Variants in GOT1L1 observed in about 807,000 individuals in gnomAD.
GOT1L1 encodes aspartate aminotransferase, cytoplasmic 2.
Under a neutral mutation model 43.6 loss-of-function variants are expected in GOT1L1, and 38 were observed. The ratio of observed to expected loss-of-function variants is 0.87; its 90% CI spans 0.67 to 1.14. The LOEUF (loss-of-function observed/expected upper bound fraction) is 1.14, where lower values mean the gene tolerates loss of function less well. GOT1L1 is among the 50% of genes most tolerant of loss of function. The probability of loss-of-function intolerance (pLI) is 0.00; values close to 1 mark genes in which losing one functional copy is unlikely to be tolerated. For synonymous variants in GOT1L1, 183 were observed against 187.2 expected, an observed-to-expected ratio of 0.98 and a Z score of 0.18; for missense variants, 482 against 504.0, an observed-to-expected ratio of 0.96 and a Z score of 0.42.
Position 37,935,164 on chromosome 8 carries a change from T to C in GOT1L1, c.981A>G (p.Lys327=). The change falls in exon 8 of 9, where the codon AAA becomes AAG. Residue 327 remains lysine, a synonymous_variant. Coordinates refer to ENST00000307599, the MANE Select transcript of GOT1L1 (RefSeq NM_152413.3). ...VVENIMLTKE[K]VKEKLQLLGT... is the part of the protein sequence containing the mutation. ...CCAGGAGCTGGAGTTTCTCCTTCAC[T>C]TTTTCCTTGGTTAGCATGATGTTCT... 6.2e-7 allele frequency: 1 copy of C among 1,611,106 alleles called. No individual in the cohort carries two copies. The highest frequency in any genetic ancestry group is 8.5e-7 in the Non-Finnish European group (1 of 1,178,582).
chr8:37,939,899 A>G lies in GOT1L1; in HGVS notation c.115+16T>C, dbSNP rs779633541. Reference sequence around the variant, plus strand: ...CATCACTTAAGTCTTATACTTCAGAACTGCTAGGCATCTACCTCTATAGGC... The same window carrying G: ...CATCACTTAAGTCTTATACTTCAGAGCTGCTAGGCATCTACCTCTATAGGC... On this transcript the variant is annotated intron_variant, in intron 1 of 8. Coordinates refer to ENST00000307599, the MANE Select transcript of GOT1L1 (RefSeq NM_152413.3). 2.5e-6 allele frequency: 4 copies of G among 1,609,532 alleles called. No individual in the cohort carries two copies. The African/African-American group carries it at 5.3e-5, about 21-fold the overall frequency.
At chr8:37,935,435 C>G (rs894585793) in intron 7 of GOT1L1, among the ~76,000 whole-genome samples, 11 of 152,188 alleles carry the variant, frequency 7.2e-5, no homozygotes, top group African/African-American at 2.7e-4. Context: ...CCCTGATGCT[C>G]TCTTATCTCC....
At chr8:37,936,265 G>A (rs1162828042) in intron 6 of GOT1L1, among the ~76,000 whole-genome samples, 6 of 151,908 alleles carry the variant, frequency 3.9e-5, no homozygotes, top group African/African-American at 1.5e-4. Flanking sequence ...TCCTGCCTCA[G>A]CCCCCCGGGT....
At position 37,937,725 on chromosome 8, in the gene GOT1L1, C is replaced by T. The variant is rs566632468; in HGVS notation, c.322G>A (p.Asp108Asn). The change falls in exon 3 of 9, where the codon GAC becomes AAC. Residue 108 changes from aspartate to asparagine, a missense_variant. Coordinates refer to ENST00000307599, the MANE Select transcript of GOT1L1 (RefSeq NM_152413.3). Reference protein sequence around the residue: ...NRVGGVHTVGDSGAFQLGVQF... With the variant: ...NRVGGVHTVGNSGAFQLGVQF... The stretch of plus-strand genomic sequence containing the variant: ...ACGCCAAGCTGGAAGGCACCACTGT[C>T]ACCAACAGTGTGTACACCCCCTACC... 9 of 1,612,526 alleles carry T rather than the reference C, an allele frequency of 5.6e-6. No homozygotes were observed. The South Asian group carries it at 7.7e-5, about 14-fold the overall frequency.
rs1451710739 is a variant in GOT1L1, at chr8:37,939,455, T to A, written c.115+460A>T. 7.7e-3 allele frequency among the ~76,000 whole-genome samples: 890 copies of A among 115,278 alleles called. 63 individuals are homozygous for A. Among genetic ancestry groups the A allele is most frequent in the African/African-American group, 0.023 (692 of 30,014 alleles). The allele number at this position is 115,278 out of a possible 152,430, so 75.6% of individuals were successfully genotyped here. ...AAATATATATATATATATATATATA[T>A]ATATATATATATATATATGCAAAAT... On this transcript the variant is annotated intron_variant, in intron 1 of 8. Transcript: ENST00000307599.
chr8:37,938,066 T>G (rs1002906398), intron 2 of GOT1L1, among the ~76,000 whole-genome samples: 1 of 147,772 alleles, frequency 6.8e-6, no homozygotes, highest in African/African-American at 2.5e-5. Context: ...AAATAAACAT[T>G]AAAAAATAAA....
chr8:37,938,836 T>A lies in GOT1L1; in HGVS notation c.161A>T (p.Gln54Leu), dbSNP rs1452214899. 6.2e-7 allele frequency: 1 copy of A among 1,613,878 alleles called. No individual in the cohort carries two copies. Among genetic ancestry groups the A allele is most frequent in the East Asian group, 2.2e-5 (1 of 44,876 alleles). ...EGHPWVSLVVQKTRLQISQDP... is the reference protein window; with the variant it reads ...EGHPWVSLVVLKTRLQISQDP... ...CTGTGAAATCTGTAGTCGAGTCTTC[T>A]GCACCACGAGAGAAACCCAGGGATG... is the stretch of plus-strand genomic sequence containing the variant. The change falls in exon 2 of 9, where the codon CAG becomes CTG. Residue 54 changes from glutamine (Q) to leucine (L), a missense_variant. Gln to Leu is a moderately radical substitution (Grantham distance 113, BLOSUM62 -2). Coordinates refer to ENST00000307599, the MANE Select transcript of GOT1L1 (RefSeq NM_152413.3).
At chr8:37,938,677 C>T (rs1166345042) in intron 2 of GOT1L1, 23 bp downstream of exon 2, 6 of 1,547,960 alleles carry the variant, frequency 3.9e-6, no homozygotes, top group South Asian at 2.4e-5. Context: ...CTAAATGAGC[C>T]AGGGGAGGGC....
Position 37,936,827 on chromosome 8 carries a change from A to G in GOT1L1, c.656T>C (p.Leu219Ser), listed in dbSNP as rs2130265449. The G allele has an allele frequency of 1.2e-6, 2 of 1,611,660 alleles. No individual in the cohort carries two copies. Among genetic ancestry groups the G allele is most frequent in the East Asian group, 2.2e-5 (1 of 44,812 alleles). ...FPFFDIPCQG[L>S]YTSDLEEDTR... ...ATCTTCTTCCAAGTCACTGGTGTAT[A>G]AACCTTGACAGGGAATATCAAAAAA... The change falls in exon 6 of 9, where the codon TTA (leucine) becomes TCA (serine). Residue 219 changes from leucine (L) to serine (S), a missense_variant. By Grantham distance (145) the Leu-to-Ser change is moderately radical. Coordinates refer to ENST00000307599, the MANE Select transcript of GOT1L1 (RefSeq NM_152413.3).
chr8:37,937,063 G>A lies in GOT1L1; in HGVS notation c.520-6C>T, dbSNP rs1355551790. 6.2e-7 allele frequency: 1 copy of A among 1,612,914 alleles called. No individual in the cohort carries two copies. The highest frequency in any genetic ancestry group is 8.5e-7 in the Non-Finnish European group (1 of 1,179,426). The stretch of plus-strand genomic sequence containing the variant: ...ACACAGCCATGTGGGATCTGCTGCA[G>A]GTACAGACGGTCTCATCAGGCTTCA... On this transcript the variant is annotated splice_region_variant and splice_polypyrimidine_tract_variant and intron_variant, in intron 4 of 8. Transcript: ENST00000307599.
At chr8:37,937,812 C>T in intron 2 of GOT1L1, 63 bp from the exon 3 acceptor site, 1 of 1,133,386 alleles carries the variant, frequency 8.8e-7, no homozygotes, top group South Asian at 1.3e-5. Flanking sequence ...AATTCCAGCA[C>T]TTTGGGAGGC....
chr8:37,935,837 CT>C lies in GOT1L1; in HGVS notation c.795del (p.Val266SerfsTer16). On this transcript the variant is annotated frameshift_variant, in exon 7 of 9. Coordinates refer to ENST00000307599, the MANE Select transcript of GOT1L1 (RefSeq NM_152413.3). LOFTEE classifies it high-confidence loss of function. Reference sequence around the variant, plus strand: ...ACACACAGCAGCTGCTGGTTGTTGACTGCCACCACCACTAGCATCCCCACTC... The same window carrying C: ...ACACACAGCAGCTGCTGGTTGTTGACGCCACCACCACTAGCATCCCCACTC... ...DEGVGMLVVV[A>X]VNNQQLLCVL... 1 of 1,613,176 alleles carries C rather than the reference CT, an allele frequency of 6.2e-7. No individual in the cohort carries two copies.
At position 37,938,789 on chromosome 8, in the gene GOT1L1, A is replaced by C. The variant is rs978709956; in HGVS notation, c.208T>G (p.Tyr70Asp). The change falls in exon 2 of 9, where the codon TAC (tyrosine) becomes GAC (aspartate). Residue 70 changes from tyrosine to aspartate, a missense_variant. Tyr to Asp is a radical substitution (Grantham distance 160). Coordinates refer to ENST00000307599, the MANE Select transcript of GOT1L1 (RefSeq NM_152413.3). Reference sequence around the variant, plus strand: ...GATTTCAGGCCCATGGTGGGCAAGTACTCATAATTCAGGGAGGGATCCTGT... The same window carrying C: ...GATTTCAGGCCCATGGTGGGCAAGTCCTCATAATTCAGGGAGGGATCCTGT... ...ISQDPSLNYE[Y>D]LPTMGLKSFI... 8.7e-6 allele frequency: 14 copies of C among 1,613,250 alleles called. No homozygotes were observed. Among genetic ancestry groups the C allele is most frequent in the African/African-American group, 1.3e-5 (1 of 74,908 alleles).
chr8:37,939,993 C>T lies in GOT1L1; in HGVS notation c.37G>A (p.Ala13Thr), dbSNP rs746614371. 14 of 1,613,342 alleles carry T rather than the reference C, an allele frequency of 8.7e-6. No homozygotes were observed. The highest frequency in any genetic ancestry group is 1.7e-5 in the Admixed American group (1 of 59,958). The change falls in exon 1 of 9, where the codon GCC (alanine) becomes ACC (threonine). Residue 13 changes from alanine (A) to threonine (T), a missense_variant. Ala to Thr is a moderately conservative substitution (Grantham distance 58). Coordinates refer to ENST00000307599, the MANE Select transcript of GOT1L1 (RefSeq NM_152413.3). ...TLSVFMDVPL[A>T]HKLEGSLLKT... ...AACAAGCTGCCCTCTAGCTTGTGGG[C>T]GAGGGGCACATCCATGAACACTGAA... is the stretch of plus-strand genomic sequence containing the variant.
intron 2 of GOT1L1, 66 bp from the exon 3 acceptor site, chr8:37,937,815 T>G: frequency 5.5e-6 from 6 of 1,092,548 alleles, no homozygotes; most frequent in Non-Finnish European, 8.3e-6. Context: ...TCCAGCACTT[T>G]GGGAGGCTGG....
At position 37,935,184 on chromosome 8, in the gene GOT1L1, T is replaced by G; in HGVS notation, c.961A>C (p.Ile321Leu). 6.2e-7 allele frequency: 1 copy of G among 1,606,654 alleles called. No homozygotes were observed. Among genetic ancestry groups the G allele is most frequent in the East Asian group, 2.2e-5 (1 of 44,722 alleles). ...TTCACTTTTTCCTTGGTTAGCATGATGTTCTCTACAACTTCTTTTAGACTC... is the reference window on the plus strand; with the variant it reads ...TTCACTTTTTCCTTGGTTAGCATGAGGTTCTCTACAACTTCTTTTAGACTC... ...KQSLKEVVEN[I>L]MLTKEKVKEK... The change falls in exon 8 of 9, where the codon ATC (isoleucine) becomes CTC (leucine). Residue 321 changes from isoleucine (I) to leucine (L), a missense_variant. By Grantham distance (5) the Ile-to-Leu change is conservative (BLOSUM62 2). Transcript: ENST00000307599.
intron 2 of GOT1L1, among the ~76,000 whole-genome samples, 167 bp from the exon 3 acceptor site, chr8:37,937,916 G>A (rs4956536): frequency 1.3e-5 from 2 of 151,424 alleles, no homozygotes; most frequent in African/African-American, 4.9e-5. Flanking sequence ...TGTTGGGCAT[G>A]TGTAATCCCC....
At position 37,936,711 on chromosome 8, in the gene GOT1L1, G is replaced by A. The variant is rs767144791; in HGVS notation, c.763+9C>T. On this transcript the variant is annotated intron_variant, in intron 6 of 8. Transcript: ENST00000307599. The stretch of plus-strand genomic sequence containing the variant: ...CAACAGACCCTCCCTTCTTCTGCCT[G>A]TACCATACCATAAATGCCAAAATTC... 1 of 1,607,872 alleles carries A rather than the reference G, an allele frequency of 6.2e-7. No individual in the cohort carries two copies.
chr8:37,937,822 CT>C, intron 2 of GOT1L1, 73 bp from the exon 3 acceptor site: 1 of 1,031,646 alleles, frequency 9.7e-7, no homozygotes, highest in Non-Finnish European at 1.5e-6. Context: ...CTTTGGGAGG[CT>C]GGGGTGGGTG....
Sources: allele counts gnomAD v4.1 joint callset (sites outside exome capture counted in the v4.1 genomes callset), GRCh38; gene constraint gnomAD v4.1.1; transcripts MANE v1.5; gene names NCBI Gene and HGNC (gene_info 2026-07-23, HGNC 2026-07-21).